ADGRL3: variants seen among roughly 807,000 people sequenced by gnomAD.
The protein encoded by ADGRL3 is adhesion G protein-coupled receptor L3.
A neutral mutation model predicts 153.5 loss-of-function variants in ADGRL3; 62 were observed. The observed-to-expected ratio is 0.40, with a 90% CI of 0.33 to 0.50. The LOEUF (loss-of-function observed/expected upper bound fraction) is 0.50, where lower values mean the gene tolerates loss of function less well. ADGRL3 is among the 20% of genes least tolerant of loss of function. ADGRL3 has a pLI of 0.47. For missense variants in ADGRL3, 1,641 were observed against 1,859.4 expected, an observed-to-expected ratio of 0.88 and a Z score of 2.16; for synonymous variants, 710 against 672.5, an observed-to-expected ratio of 1.06 and a Z score of -0.86.
chr4:61,496,558 CG>C (rs1579180594), intron 2 of ADGRL3, among the ~76,000 whole-genome samples: 1 of 151,974 alleles, frequency 6.6e-6, no homozygotes. Flanking sequence ...AGGAGAATCG[CG>C]TGAACCCGGG....
Position 62,070,402 on chromosome 4 carries a change from A to G in ADGRL3, c.4126A>G (p.Ile1376Val). The change falls in exon 27 of 27, where the codon ATT becomes GTT. Residue 1376 changes from isoleucine to valine, a missense_variant. By Grantham distance (29) the Ile-to-Val change is conservative. Around this residue, in one of 5 missense-constraint regions of ADGRL3, gnomAD observed 517 missense variants for 555.0 expected, o/e 0.93. Coordinates refer to ENST00000683033, the MANE Select transcript of ADGRL3 (RefSeq NM_001387552.1). ...NLGSGREDDA[I>V]VLDDATSFNH... is the part of the protein sequence containing the mutation. ...TGGCAGTGGAAGGGAAGATGATGCC[A>G]TTGTCCTGGATGATGCCACCTCGTT... 1.3e-6 allele frequency: 2 copies of G among 1,552,020 alleles called. No homozygotes were observed. Among genetic ancestry groups the G allele is most frequent in the Non-Finnish European group, 1.7e-6 (2 of 1,147,054 alleles).
At chr4:61,486,201 C>T (rs1375347232) in intron 2 of ADGRL3, among the ~76,000 whole-genome samples, 1 of 152,084 alleles carries the variant, frequency 6.6e-6, no homozygotes, top group Non-Finnish European at 1.5e-5. Context: ...ACCTCGGCCT[C>T]CCAAAGTGCT....
intron 22 of ADGRL3, 104 bp from the exon 23 acceptor site, chr4:62,031,338 A>AT: frequency 3.2e-6 from 3 of 940,674 alleles, no homozygotes; most frequent in Non-Finnish European, 4.6e-6. Flanking sequence ...TCTGTCAATA[A>AT]AAGTTACTGT....
intron 5 of ADGRL3, among the ~76,000 whole-genome samples, chr4:61,669,918 A>G (rs978727399): frequency 3.3e-5 from 5 of 152,194 alleles, no homozygotes; most frequent in African/African-American, 1.2e-4. Context: ...TTAGAATGTG[A>G]TAAACATTCA....
chr4:61,605,726 T>C (rs1342629150), intron 5 of ADGRL3, among the ~76,000 whole-genome samples: 2 of 152,204 alleles, frequency 1.3e-5, no homozygotes, highest in Non-Finnish European at 2.9e-5. Flanking sequence ...TTTAAGCAAG[T>C]GACACATATC....
rs559921218 is a variant in ADGRL3, at chr4:61,590,181, C to T, written c.473+2741C>T. ...CTAAACATTAACAAACCTATATTAT[C>T]ATACAGCTGCCTTGTCTAAAGCAAA... is the stretch of plus-strand genomic sequence containing the variant. On this transcript the variant is annotated intron_variant, in intron 5 of 26. Coordinates refer to ENST00000683033, the MANE Select transcript of ADGRL3 (RefSeq NM_001387552.1). Among the ~76,000 whole-genome samples, 182 of 152,202 alleles carry T rather than the reference C, an allele frequency of 1.2e-3. 3 individuals are homozygous for T. The highest frequency in any genetic ancestry group is 6.9e-4 in the Non-Finnish European group (47 of 67,982).
rs1325887921 is a variant in ADGRL3, at chr4:62,075,593, C to A, written c.*4685C>A. The A allele has an allele frequency of 6.6e-6, 1 of 152,072 alleles. No individual in the cohort carries two copies. Among genetic ancestry groups the A allele is most frequent in the African/African-American group, 2.4e-5 (1 of 41,406 alleles). 9.4% of individuals were successfully genotyped at this position (152,072 alleles called of 1,614,324 possible). A position where few individuals can be genotyped will look rare whatever the true frequency, so the allele number is the denominator to read the frequency against. ...TTTAATTAGTTCATTTTTAGTAATT[C>A]ATAATTTTAACTTACCACATAAACA... is the stretch of plus-strand genomic sequence containing the variant. On this transcript the variant is annotated 3_prime_UTR_variant, in exon 27 of 27. Transcript: ENST00000683033.
intron 4 of ADGRL3, among the ~76,000 whole-genome samples, chr4:61,550,157 A>T (rs1174761027): frequency 2.0e-5 from 3 of 151,962 alleles, no homozygotes; most frequent in Non-Finnish European, 4.4e-5. Context: ...GTAATATATT[A>T]TTTGAAGATT....
chr4:61,420,347 A>G (rs2097189008), intron 2 of ADGRL3: 1 of 148,616 alleles, frequency 6.7e-6, no homozygotes, highest in Non-Finnish European at 1.5e-5. Flanking sequence ...GTTTCTTCAC[A>G]TATTTTTATC....
At chr4:61,662,076 A>G (rs926868199) in intron 5 of ADGRL3, among the ~76,000 whole-genome samples, 54 of 152,320 alleles carry the variant, frequency 3.5e-4, no homozygotes, top group African/African-American at 1.3e-3. Context: ...TCGGGGAGGC[A>G]AGGCCAGGGC....
At chr4:62,033,213 G>A (rs1723111243) in intron 23 of ADGRL3, among the ~76,000 whole-genome samples, 1 of 151,670 alleles carries the variant, frequency 6.6e-6, no homozygotes, top group African/African-American at 2.4e-5. Context: ...GAGAGAGAGA[G>A]ATGATTTTGT....
chr4:61,930,290 G>C (rs2098812634), intron 13 of ADGRL3, among the ~76,000 whole-genome samples: 1 of 152,004 alleles, frequency 6.6e-6, no homozygotes, highest in South Asian at 2.1e-4. Context: ...GGGGTAACTA[G>C]GTTCCCCCAG....
chr4:61,570,664 C>A (rs571534298), intron 4 of ADGRL3, among the ~76,000 whole-genome samples: 2 of 152,112 alleles, frequency 1.3e-5, no homozygotes, highest in African/African-American at 4.8e-5. Context: ...CTCTCACAAT[C>A]GGAAATTAAG....
chr4:61,915,799 A>G (rs1168796585), intron 13 of ADGRL3, among the ~76,000 whole-genome samples: 3 of 152,048 alleles, frequency 2.0e-5, no homozygotes, highest in Non-Finnish European at 4.4e-5. Flanking sequence ...TATGTGTCCT[A>G]TTTCTATTTT....
intron 23 of ADGRL3, among the ~76,000 whole-genome samples, chr4:62,031,935 ATGT>A (rs1238899766): frequency 6.7e-6 from 1 of 148,352 alleles, no homozygotes; most frequent in Non-Finnish European, 1.5e-5. Context: ...TTTTCTGAAA[ATGT>A]TGTGGAGGCA....
At chr4:61,794,747 G>C (rs2097386746) in intron 8 of ADGRL3, among the ~76,000 whole-genome samples, 1 of 152,226 alleles carries the variant, frequency 6.6e-6, no homozygotes, top group Non-Finnish European at 1.5e-5. Flanking sequence ...TAGGGTAGCA[G>C]TGTTGTAAGA....
intron 6 of ADGRL3, among the ~76,000 whole-genome samples, chr4:61,690,168 G>A (rs1040710072): frequency 1.3e-5 from 2 of 152,166 alleles, no homozygotes; most frequent in South Asian, 4.1e-4. Flanking sequence ...AAGTTGGCCA[G>A]ACAAAGTGGC....
At chr4:61,851,490 G>A (rs1001352602) in intron 9 of ADGRL3, among the ~76,000 whole-genome samples, 1 of 150,788 alleles carries the variant, frequency 6.6e-6, no homozygotes, top group African/African-American at 2.4e-5. Context: ...TTGAGAAGCT[G>A]AGGCAGGAGG....
intron 8 of ADGRL3, among the ~76,000 whole-genome samples, chr4:61,804,492 C>T (rs917922877): frequency 6.6e-6 from 1 of 152,162 alleles, no homozygotes; most frequent in Non-Finnish European, 1.5e-5. Flanking sequence ...AAAACCTCCT[C>T]CTCTGATTCT....
Sources: gnomAD v4.1 joint callset for allele counts (sites outside exome capture counted in the v4.1 genomes callset) on GRCh38, gnomAD v4.1.1 for gene constraint, gnomAD v4.1.1 regional missense constraint, MANE v1.5 for transcripts, NCBI Gene and HGNC (gene_info 2026-07-23, HGNC 2026-07-21) for gene names.